ACTL8: variants seen among roughly 807,000 people sequenced by gnomAD.
ACTL8 encodes the protein actin like 8, also known as actin-like protein 8.
ACTL8 carries 3 observed loss-of-function variants against 9.3 expected under a neutral mutation model. The ratio of observed to expected loss-of-function variants is 0.32; its 90% CI spans 0.15 to 0.83. The LOEUF is 0.83. ACTL8 is among the 40% of genes least tolerant of loss of function. The pLI, the probability that ACTL8 is intolerant of heterozygous loss-of-function variation, is 0.57. For synonymous variants in ACTL8, 224 were observed against 205.9 expected (o/e 1.09, Z -0.75); for missense variants, 381 against 492.2 (o/e 0.77, Z 2.14).
At position 17,794,508 on chromosome 1, in the gene ACTL8, A is replaced by T. The variant is rs560157036; in HGVS notation, c.-24-28477A>T. On this transcript the variant is annotated intron_variant, in intron 1 of 2. Transcript: ENST00000375406. The stretch of plus-strand genomic sequence containing the variant: ...TCAGGCCATGATGTCTGGAAAATAG[A>T]TGTTAAACAAGCAACAGTTACCATA... Among the ~76,000 whole-genome samples, 6 of 152,338 alleles carry T rather than the reference A, an allele frequency of 3.9e-5. No homozygotes were observed. In the South Asian group the frequency reaches 1.2e-3, roughly 32 times the overall value.
At chr1:17,820,006 CAAAAAAA>C (rs79091819) in intron 1 of ACTL8, among the ~76,000 whole-genome samples, 1 of 138,810 alleles carries the variant, frequency 7.2e-6, no homozygotes, top group African/African-American at 2.6e-5. Context: ...GATCCTGTCT[CAAAAAAA>C]AAAAACTTTG....
intron 1 of ACTL8, among the ~76,000 whole-genome samples, chr1:17,805,500 G>C (rs2066354213): frequency 6.8e-6 from 1 of 147,214 alleles, no homozygotes; most frequent in African/African-American, 2.5e-5. Flanking sequence ...TTCTGCCTCA[G>C]CCTCCCAAGT....
intron 1 of ACTL8, among the ~76,000 whole-genome samples, chr1:17,819,609 A>C (rs1382143610): frequency 6.6e-6 from 1 of 152,202 alleles, no homozygotes; most frequent in Non-Finnish European, 1.5e-5. Flanking sequence ...GGCCTCTCTT[A>C]CAGGAAACAC....
rs1050195427 is a variant in ACTL8 at position 17,818,781 on chromosome 1, C to T, written c.-24-4204C>T. On this transcript the variant is annotated intron_variant, in intron 1 of 2. Coordinates refer to ENST00000375406, the MANE Select transcript of ACTL8 (RefSeq NM_030812.3). ...GTCCTTACCAGGTTTTCTTTTTCTC[C>T]GCTGTACTGATCTTCCCTGACATGC... Among the ~76,000 whole-genome samples, 4 of 152,126 alleles carry T rather than the reference C, an allele frequency of 2.6e-5. No homozygotes were observed. In the South Asian group the frequency reaches 6.2e-4, roughly 24 times the overall value.
chr1:17,776,482 T>C (rs535439548), intron 1 of ACTL8, among the ~76,000 whole-genome samples: 2 of 152,242 alleles, frequency 1.3e-5, no homozygotes, highest in East Asian at 3.9e-4. Flanking sequence ...GGGGTGAGGC[T>C]CACTCGCTTC....
At chr1:17,811,837 A>G (rs533445062) in intron 1 of ACTL8, among the ~76,000 whole-genome samples, 68 of 148,964 alleles carry the variant, frequency 4.6e-4, no homozygotes, top group African/African-American at 1.6e-3. Flanking sequence ...GCTTTTACCA[A>G]TGTCACATTG....
intron 1 of ACTL8, among the ~76,000 whole-genome samples, chr1:17,790,698 G>C (rs985418296): frequency 1.3e-5 from 2 of 152,196 alleles, no homozygotes; most frequent in African/African-American, 2.4e-5. Context: ...GCCTCACCAG[G>C]GACCCACCCC....
intron 1 of ACTL8, among the ~76,000 whole-genome samples, chr1:17,802,416 T>TGTGC (rs1491584437): frequency 7.3e-6 from 1 of 136,770 alleles, no homozygotes; most frequent in Non-Finnish European, 1.6e-5. Flanking sequence ...CCCGGATGAC[T>TGTGC]GTGCGTGCGT....
chr1:17,763,636 C>T (rs1049949033), intron 1 of ACTL8, among the ~76,000 whole-genome samples: 2 of 152,226 alleles, frequency 1.3e-5, no homozygotes, highest in Non-Finnish European at 2.9e-5. Context: ...TCTTCCCCAT[C>T]CTATTCCTCA....
chr1:17,756,982 G>C (rs1418457289), intron 1 of ACTL8, among the ~76,000 whole-genome samples: 1 of 152,090 alleles, frequency 6.6e-6, no homozygotes, highest in Non-Finnish European at 1.5e-5. Context: ...AGGCAGGCCG[G>C]GCACAGGCAT....
intron 1 of ACTL8, among the ~76,000 whole-genome samples, chr1:17,804,088 A>G (rs2066341535): frequency 6.6e-6 from 1 of 152,240 alleles, no homozygotes; most frequent in Non-Finnish European, 1.5e-5. Flanking sequence ...CCCCAAAGGT[A>G]GTTCATGCTT....
intron 1 of ACTL8, among the ~76,000 whole-genome samples, chr1:17,763,842 GGGAAACAGGGGTTGGCCCTCT>G (rs1312089500): frequency 7.9e-5 from 12 of 152,184 alleles, no homozygotes; most frequent in African/African-American, 2.4e-4. Context: ...TTCCGCCCTC[GGGAAACAGGGGTTGGCCCTCT>G]GGAAACAGGG....
In ACTL8 at chr1:17,822,346, C is replaced by A. The variant is rs566074604; in HGVS notation, c.-24-639C>A. Among the ~76,000 whole-genome samples the A allele has an allele frequency of 9.3e-4, 141 of 152,248 alleles. 1 individual carries two copies. Among genetic ancestry groups the A allele is most frequent in the Non-Finnish European group, 1.6e-3 (110 of 68,008 alleles). ...AAATGAGTCCATGTATCAAGTGAAA[C>A]CATGTGAAATTGCTGATCTCTGACC... is the stretch of plus-strand genomic sequence containing the variant. On this transcript the variant is annotated intron_variant, in intron 1 of 2. Transcript: ENST00000375406.
At position 17,823,353 on chromosome 1, in the gene ACTL8, G is replaced by T; in HGVS notation, c.345G>T (p.Leu115=). ...LREPADRKKM[L]EILFELLHVP... ...AGCCTGCGGACCGAAAGAAGATGCT[G>T]GAGGTGAGGCCTGCCGGGGCCTGCT... Residue 115 remains leucine, a synonymous_variant, in exon 2 of 3, where the codon CTG becomes CTT. Transcript: ENST00000375406. This position sits in a 1 kb window ranked among gnomAD's most constrained non-coding sequence, Gnocchi z 5.3. 6.2e-7 allele frequency: 1 copy of T among 1,611,728 alleles called. No individual in the cohort carries two copies. The highest frequency in any genetic ancestry group is 1.1e-5 in the South Asian group (1 of 90,914).
At chr1:17,806,327 G>A (rs1240470140) in intron 1 of ACTL8, among the ~76,000 whole-genome samples, 4 of 152,206 alleles carry the variant, frequency 2.6e-5, no homozygotes, top group African/African-American at 9.7e-5. Context: ...AGGTTAAGAA[G>A]AGGCATAATT....
rs182334312 is a variant in ACTL8 at position 17,765,756 on chromosome 1, G to T, written c.-25+10252G>T. On this transcript the variant is annotated intron_variant, in intron 1 of 2. Coordinates refer to ENST00000375406, the MANE Select transcript of ACTL8 (RefSeq NM_030812.3). ...TGTGAGGTCTCTCAGGACAATGTCT[G>T]GCCCCTTGCAGGGCAGAGCTGACTG... 2.0e-5 allele frequency among the ~76,000 whole-genome samples: 3 copies of T among 152,338 alleles called. No homozygotes were observed. In the East Asian group the frequency reaches 5.8e-4, roughly 29 times the overall value.
At chr1:17,820,337 G>A (rs1008237975) in intron 1 of ACTL8, among the ~76,000 whole-genome samples, 10 of 152,106 alleles carry the variant, frequency 6.6e-5, no homozygotes, top group Non-Finnish European at 1.5e-4. Flanking sequence ...GGGGTGTATC[G>A]GTTGTTCATT....
At chr1:17,774,445 C>G (rs1286702502) in intron 1 of ACTL8, among the ~76,000 whole-genome samples, 1 of 151,668 alleles carries the variant, frequency 6.6e-6, no homozygotes, top group Non-Finnish European at 1.5e-5. Flanking sequence ...GGACAGGATA[C>G]TGGGGGACTG....
chr1:17,807,885 C>G (rs527774061), intron 1 of ACTL8, among the ~76,000 whole-genome samples: 18 of 152,150 alleles, frequency 1.2e-4, no homozygotes, highest in African/African-American at 4.3e-4. Context: ...GGAGAATTAC[C>G]TAATGTAGGT....
Sources: gnomAD v4.1 joint callset for allele counts (sites outside exome capture counted in the v4.1 genomes callset) on GRCh38, gnomAD v4.1.1 for gene constraint, Gnocchi (gnomAD v3.1) non-coding constraint, MANE v1.5 for transcripts, NCBI Gene and HGNC (gene_info 2026-07-23, HGNC 2026-07-21) for gene names.